Variants in ATP10B observed in about 807,000 individuals in gnomAD.
ATP10B encodes the protein phospholipid-transporting ATPase VB.
ATP10B carries 122 observed loss-of-function variants against 141.2 expected under a neutral mutation model. That is an observed-to-expected ratio of 0.86 (90% CI 0.75 to 1.00). The LOEUF (loss-of-function observed/expected upper bound fraction) is 1.00. Among genes scored for constraint, ATP10B ranks in the 50% least tolerant of loss-of-function variants. The pLI is 0.00. For missense variants in ATP10B, 1,876 were observed against 1,825.3 expected (o/e 1.03, Z -0.51); for synonymous variants, 685 against 692.0 (o/e 0.99, Z 0.16).
intron 7 of ATP10B, among the ~76,000 whole-genome samples, chr5:160,668,326 C>A (rs1762453123): frequency 6.7e-6 from 1 of 148,342 alleles, no homozygotes; most frequent in Non-Finnish European, 1.5e-5. Context: ...CATTCACACG[C>A]ATATACACAC....
intron 2 of ATP10B, among the ~76,000 whole-genome samples, chr5:160,730,591 T>C (rs1766670467): frequency 6.6e-6 from 1 of 152,058 alleles, no homozygotes; most frequent in Admixed American, 6.6e-5. Flanking sequence ...GATGACTGAG[T>C]ACAAAAAGCG....
intron 1 of ATP10B, among the ~76,000 whole-genome samples, chr5:160,801,075 C>T (rs1041268451): frequency 1.3e-5 from 2 of 152,276 alleles, no homozygotes; most frequent in East Asian, 3.9e-4. Context: ...TACACTGATG[C>T]AACTTTGGCC....
At chr5:160,788,352 GC>G (rs928184598) in intron 1 of ATP10B, among the ~76,000 whole-genome samples, 13 of 152,162 alleles carry the variant, frequency 8.5e-5, no homozygotes, top group Non-Finnish European at 1.5e-4. Flanking sequence ...ACCTAAAAAG[GC>G]AACAGCGGAT....
At chr5:160,898,063 A>C in the ATP10B span, among the ~76,000 whole-genome samples, 2,283 of 152,230 alleles carry the variant, frequency 0.015, 58 homozygotes, top group African/African-American at 0.052. Flanking sequence ...AAGACTTAAC[A>C]TAAGATCTAA....
chr5:160,621,833 AT>A (rs549218912), intron 14 of ATP10B, among the ~76,000 whole-genome samples: 1 of 152,154 alleles, frequency 6.6e-6, no homozygotes, highest in Admixed American at 6.5e-5. Flanking sequence ...ATTCAGCTGC[AT>A]TTTTTTCCAT....
intron 1 of ATP10B, among the ~76,000 whole-genome samples, chr5:160,805,636 C>G (rs1772717249): frequency 6.6e-6 from 1 of 151,976 alleles, no homozygotes; most frequent in African/African-American, 2.4e-5. Flanking sequence ...CCTGCCAGGG[C>G]CCCAGGTACA....
chr5:160,915,376 G>A, the ATP10B span, among the ~76,000 whole-genome samples: 3 of 151,602 alleles, frequency 2.0e-5, no homozygotes, highest in African/African-American at 4.9e-5. Context: ...CTGTCACCCA[G>A]GCTGGAGTGC....
the ATP10B span, among the ~76,000 whole-genome samples, chr5:160,927,971 T>G: frequency 5.9e-4 from 90 of 151,824 alleles, no homozygotes; most frequent in African/African-American, 2.0e-3. Flanking sequence ...GAATAAGTGT[T>G]CCAGGCAGAG....
intron 6 of ATP10B, among the ~76,000 whole-genome samples, chr5:160,677,545 A>C (rs1359576532): frequency 6.6e-6 from 1 of 152,210 alleles, no homozygotes; most frequent in Non-Finnish European, 1.5e-5. Flanking sequence ...CTATGGTTAA[A>C]GATTTTTTTG....
intron 1 of ATP10B, among the ~76,000 whole-genome samples, chr5:160,822,888 G>T (rs920495292): frequency 6.7e-6 from 1 of 150,338 alleles, no homozygotes; most frequent in African/African-American, 2.4e-5. Flanking sequence ...GGTAGTTGGA[G>T]GGGTAGTGGA....
intron 3 of ATP10B, among the ~76,000 whole-genome samples, chr5:160,714,968 C>T (rs7712603): frequency 0.3 from 24,718 of 81,742 alleles, 3,913 homozygotes; most frequent in Middle Eastern, 0.48. Flanking sequence ...GGCAGTCTGC[C>T]CGTTCTCAGA....
At chr5:160,873,249 C>A in the ATP10B span, among the ~76,000 whole-genome samples, 27 of 151,802 alleles carry the variant, frequency 1.8e-4, no homozygotes, top group Admixed American at 1.8e-3. Context: ...AGAACTTCCT[C>A]AACTTGATGA....
intron 7 of ATP10B, among the ~76,000 whole-genome samples, chr5:160,668,902 G>C (rs1485228292): frequency 2.0e-5 from 3 of 152,202 alleles, no homozygotes; most frequent in African/African-American, 7.2e-5. Flanking sequence ...CTGTTTATCA[G>C]GTGCTTAGAG....
intron 19 of ATP10B, among the ~76,000 whole-genome samples, chr5:160,604,705 GACACACACACACACATAAACAC>G (rs1757282476): frequency 6.6e-6 from 1 of 151,416 alleles, no homozygotes; most frequent in African/African-American, 2.4e-5. Context: ...GTAAGGCATA[GACACACACACACACATAAACAC>G]ACACACACGG....
intron 3 of ATP10B, among the ~76,000 whole-genome samples, chr5:160,699,628 G>T (rs1187597607): frequency 2.0e-5 from 3 of 152,152 alleles, no homozygotes; most frequent in African/African-American, 7.2e-5. Flanking sequence ...CACCAGATTT[G>T]TGAAATGGAG....
At chr5:160,652,260 C>T (rs1046621579) in intron 7 of ATP10B, among the ~76,000 whole-genome samples, 1 of 151,932 alleles carries the variant, frequency 6.6e-6, no homozygotes, top group Non-Finnish European at 1.5e-5. Context: ...CTCTCTTCTT[C>T]AGTTGGAGGA....
chr5:160,640,417 T>A, intron 10 of ATP10B, 44 bp downstream of exon 10: 1 of 1,589,884 alleles, frequency 6.3e-7, no homozygotes, highest in East Asian at 2.3e-5. Flanking sequence ...CTTGCCCAAA[T>A]AAATCGATTA....
the ATP10B span, among the ~76,000 whole-genome samples, chr5:160,874,195 G>A: frequency 6.0e-3 from 913 of 152,258 alleles, 11 homozygotes; most frequent in South Asian, 0.011. Context: ...TCTGAGAACG[G>A]GCAGACTGCC....
chr5:160,893,917 C>T, the ATP10B span, among the ~76,000 whole-genome samples: 1 of 152,194 alleles, frequency 6.6e-6, no homozygotes, highest in Admixed American at 6.5e-5. Flanking sequence ...TGGAGTGGAC[C>T]TCCAGCAAGC....
Sources: gnomAD v4.1 joint callset for allele counts (sites outside exome capture counted in the v4.1 genomes callset) on GRCh38, gnomAD v4.1.1 for gene constraint, MANE v1.5 for transcripts, NCBI Gene and HGNC (gene_info 2026-07-23, HGNC 2026-07-21) for gene names.